Variants in PLCB1 observed in about 807,000 individuals in gnomAD.
PLCB1 encodes phospholipase C beta 1.
PLCB1 carries 46 observed loss-of-function variants against 161.8 expected under a neutral mutation model. The ratio of observed to expected loss-of-function variants is 0.28; its 90% CI spans 0.22 to 0.36. The LOEUF is 0.36. Ranked by LOEUF, PLCB1 falls within the 10% of genes least tolerant of loss-of-function variation. PLCB1 has a pLI of 1.00. For synonymous variants in PLCB1, 517 were observed against 503.7 expected (o/e 1.03, Z -0.35); for missense variants, 1,016 against 1,472.5 (o/e 0.69, Z 5.07).
chr20:8,231,879 T>A (rs1463309565), intron 2 of PLCB1, among the ~76,000 whole-genome samples: 1 of 152,184 alleles, frequency 6.6e-6, no homozygotes, highest in Non-Finnish European at 1.5e-5. Context: ...CTCCCTGTGA[T>A]GCTCAGTTTT....
chr20:8,157,093 T>C (rs1314948064), intron 2 of PLCB1, among the ~76,000 whole-genome samples: 1 of 152,232 alleles, frequency 6.6e-6, no homozygotes, highest in Admixed American at 6.5e-5. Flanking sequence ...ATAAGATGTT[T>C]ATTTATGTAT....
At chr20:8,407,230 G>T (rs7267690) in intron 3 of PLCB1, among the ~76,000 whole-genome samples, 2,722 of 152,188 alleles carry the variant, frequency 0.018, 91 homozygotes, top group African/African-American at 0.063. Context: ...AACTTATGTG[G>T]TTAATGCACC....
At position 8,882,612 on chromosome 20, in the gene PLCB1, A is replaced by C. The variant is rs1374846314; in HGVS notation, c.*763A>C. The C allele has an allele frequency of 6.6e-6, 1 of 152,620 alleles. No homozygotes were observed. The highest frequency in any genetic ancestry group is 1.9e-4 in the East Asian group (1 of 5,202). The allele number at this position is 152,620 out of a possible 1,614,324, so 9.5% of individuals were successfully genotyped here. The stretch of plus-strand genomic sequence containing the variant: ...CTGTTTGAATTGACTATTTGCACTC[A>C]AAGTCTGGGTATTCATTGGTTATTG... On this transcript the variant is annotated 3_prime_UTR_variant, in exon 32 of 32. Transcript: ENST00000338037.
intron 2 of PLCB1, among the ~76,000 whole-genome samples, chr20:8,317,932 T>C (rs1034147114): frequency 1.3e-5 from 2 of 152,176 alleles, no homozygotes; most frequent in African/African-American, 4.8e-5. Context: ...TATTTTCTCC[T>C]GGGCACTACT....
At chr20:8,518,978 G>A (rs1984245131) in intron 3 of PLCB1, among the ~76,000 whole-genome samples, 1 of 152,024 alleles carries the variant, frequency 6.6e-6, no homozygotes, top group Admixed American at 6.5e-5. Flanking sequence ...TAATGCTGGG[G>A]CCAATCTGAC....
chr20:8,268,840 T>G (rs558743735), intron 2 of PLCB1, among the ~76,000 whole-genome samples: 1 of 151,964 alleles, frequency 6.6e-6, no homozygotes, highest in South Asian at 2.1e-4. Context: ...TCTATGTATT[T>G]TTTTTAAATT....
intron 3 of PLCB1, among the ~76,000 whole-genome samples, chr20:8,551,017 CT>C (rs1985757424): frequency 6.6e-6 from 1 of 152,144 alleles, no homozygotes; most frequent in South Asian, 2.1e-4. Context: ...TCTGGGCTAA[CT>C]TTTTTGTTGT....
chr20:8,342,870 G>C (rs1405800364), intron 2 of PLCB1, among the ~76,000 whole-genome samples: 2 of 152,164 alleles, frequency 1.3e-5, no homozygotes, highest in Non-Finnish European at 2.9e-5. Context: ...AAGGTCAATA[G>C]GTAGCCCCAC....
At chr20:8,737,472 G>A (rs999191935) in intron 20 of PLCB1, among the ~76,000 whole-genome samples, 1 of 152,116 alleles carries the variant, frequency 6.6e-6, no homozygotes, top group Non-Finnish European at 1.5e-5. Flanking sequence ...TAGTACAAAT[G>A]ATAAATGATA....
chr20:8,246,811 G>A (rs112928582), intron 2 of PLCB1, among the ~76,000 whole-genome samples: 1,930 of 151,668 alleles, frequency 0.013, 18 homozygotes, highest in Non-Finnish European at 0.019. Context: ...TTCTTTTCTC[G>A]GGGAATTTTT....
chr20:8,802,101 C>A (rs868345046), intron 31 of PLCB1: 6 of 1,612,820 alleles, frequency 3.7e-6, no homozygotes, highest in Non-Finnish European at 5.1e-6. Context: ...CCATGAGGAT[C>A]CCTCTGTTTC....
intron 17 of PLCB1, 77 bp from the exon 18 acceptor site, chr20:8,728,972 AT>A (rs2123491231): frequency 2.1e-6 from 2 of 973,924 alleles, no homozygotes; most frequent in East Asian, 5.8e-5. Context: ...ATGGAGAAAG[AT>A]GGAAGGTAGC....
chr20:8,270,602 C>CAG (rs1982234749), intron 2 of PLCB1, among the ~76,000 whole-genome samples: 1 of 152,152 alleles, frequency 6.6e-6, no homozygotes. Flanking sequence ...ATTGATTAAT[C>CAG]AGTCAATATA....
intron 3 of PLCB1, among the ~76,000 whole-genome samples, chr20:8,400,888 T>G (rs1978520986): frequency 6.6e-6 from 1 of 152,196 alleles, no homozygotes; most frequent in Non-Finnish European, 1.5e-5. Flanking sequence ...ACAGGTATAT[T>G]CGAATTTCCT....
At position 8,800,883 on chromosome 20, in the gene PLCB1, G is replaced by A. The variant is rs116465671; in HGVS notation, c.3423+10622G>A. Among the ~76,000 whole-genome samples, 291 of 152,212 alleles carry A rather than the reference G, an allele frequency of 1.9e-3. 2 individuals are homozygous for A. Among genetic ancestry groups the A allele is most frequent in the African/African-American group, 6.8e-3 (284 of 41,536 alleles). On this transcript the variant is annotated intron_variant, in intron 31 of 31. Transcript: ENST00000338037. ...TTATAATTGTTGAGTACCAACTGCAGTGCAATCACTTTAGTCAAAGCCTCC... is the reference window on the plus strand; with the variant it reads ...TTATAATTGTTGAGTACCAACTGCAATGCAATCACTTTAGTCAAAGCCTCC...
chr20:8,660,683 G>A (rs1203624618), intron 9 of PLCB1, among the ~76,000 whole-genome samples: 2 of 152,070 alleles, frequency 1.3e-5, no homozygotes, highest in Non-Finnish European at 2.9e-5. Flanking sequence ...TTAAGATGAT[G>A]TCTCCTAGCA....
At chr20:8,351,381 A>G (rs995388287) in intron 2 of PLCB1, among the ~76,000 whole-genome samples, 4 of 152,122 alleles carry the variant, frequency 2.6e-5, no homozygotes, top group African/African-American at 7.2e-5. Context: ...CAAACCAATT[A>G]AACTTCTAGT....
chr20:8,234,585 G>A (rs73607861), intron 2 of PLCB1, among the ~76,000 whole-genome samples: 6,059 of 152,136 alleles, frequency 0.04, 397 homozygotes, highest in African/African-American at 0.14. Flanking sequence ...TATTCCTAGA[G>A]CTGGATATAA....
At chr20:8,543,642 G>A (rs1476923739) in intron 3 of PLCB1, among the ~76,000 whole-genome samples, 1 of 115,434 alleles carries the variant, frequency 8.7e-6, no homozygotes, top group South Asian at 2.4e-4. Flanking sequence ...AAAACCTGTT[G>A]GACACATCTG....
Sources: gnomAD v4.1 joint callset for allele counts (sites outside exome capture counted in the v4.1 genomes callset) on GRCh38, gnomAD v4.1.1 for gene constraint, MANE v1.5 for transcripts, NCBI Gene and HGNC (gene_info 2026-07-23, HGNC 2026-07-21) for gene names.